ACOXL: variants seen among roughly 807,000 people sequenced by gnomAD.
ACOXL encodes the protein acyl-CoA oxidase like.
Under a neutral mutation model 71.9 loss-of-function variants are expected in ACOXL, and 70 were observed. That is an observed-to-expected ratio of 0.97 (90% CI 0.80 to 1.19). The LOEUF (loss-of-function observed/expected upper bound fraction) is 1.19. Ranked by LOEUF, ACOXL falls within the 50% of genes most tolerant of loss-of-function variation. The probability of loss-of-function intolerance (pLI) is 0.00; values close to 1 mark genes in which losing one functional copy is unlikely to be tolerated. For missense variants in ACOXL, 703 were observed against 736.3 expected (o/e 0.95, Z 0.52); for synonymous variants, 253 against 281.6 (o/e 0.90, Z 1.02).
chr2:110,988,733 TC>T (rs1006381445), intron 13 of ACOXL, among the ~76,000 whole-genome samples: 2 of 152,202 alleles, frequency 1.3e-5, no homozygotes, highest in African/African-American at 4.8e-5. Context: ...AAATGATCTC[TC>T]ACCCTGACTT....
Position 110,798,036 on chromosome 2 carries a change from A to T in ACOXL, c.346-574A>T, listed in dbSNP as rs138534594. 1.4e-4 allele frequency among the ~76,000 whole-genome samples: 22 copies of T among 152,260 alleles called. 1 individual carries two copies. The East Asian group carries it at 4.3e-3, about 29-fold the overall frequency. ...CACCTTTTAAAGATTGAAAACTGGCAACTTATTTTCTGGATCAGATTATTC... is the reference window on the plus strand; with the variant it reads ...CACCTTTTAAAGATTGAAAACTGGCTACTTATTTTCTGGATCAGATTATTC... On this transcript the variant is annotated intron_variant, in intron 5 of 17. Coordinates refer to ENST00000439055, the MANE Select transcript of ACOXL (RefSeq NM_001142807.4).
intron 11 of ACOXL, 115 bp downstream of exon 11, chr2:110,909,020 CTGT>C (rs2059558698): frequency 8.8e-6 from 7 of 792,386 alleles, no homozygotes; most frequent in Non-Finnish European, 1.4e-5. Flanking sequence ...AGGAAAGAGT[CTGT>C]TGTTAAAATC....
Position 110,801,845 on chromosome 2 carries a change from A to G in ACOXL, c.620+121A>G, listed in dbSNP as rs1686044100. On this transcript the variant is annotated intron_variant, in intron 8 of 17. Coordinates refer to ENST00000439055, the MANE Select transcript of ACOXL (RefSeq NM_001142807.4). ...GGGCATTCTTCCCCTAACCACCCGT[A>G]CAGGTTTGTTGACAACTAATTGGAA... is the stretch of plus-strand genomic sequence containing the variant. 6 of 770,400 alleles carry G rather than the reference A, an allele frequency of 7.8e-6. No individual in the cohort carries two copies. In the Middle Eastern group the frequency reaches 1.0e-3, roughly 128 times the overall value. The allele number at this position is 770,400 out of a possible 1,614,324, so 47.7% of individuals were successfully genotyped here.
At chr2:111,081,167 C>T (rs921979061) in intron 16 of ACOXL, among the ~76,000 whole-genome samples, 3 of 152,066 alleles carry the variant, frequency 2.0e-5, no homozygotes, top group Non-Finnish European at 4.4e-5. Flanking sequence ...GGAGTTCTGG[C>T]CAGGGCAATC....
At chr2:110,766,664 T>TAAC (rs1275483336) in intron 1 of ACOXL, among the ~76,000 whole-genome samples, 201 of 152,308 alleles carry the variant, frequency 1.3e-3, no homozygotes, top group Non-Finnish European at 2.4e-3. Flanking sequence ...TTTTCCTTGT[T>TAAC]AATACCGAGT....
chr2:111,001,138 T>G (rs150715641), intron 14 of ACOXL, among the ~76,000 whole-genome samples: 342 of 152,296 alleles, frequency 2.2e-3, no homozygotes, highest in African/African-American at 8.0e-3. Context: ...AATTATACAA[T>G]AAAGCTCCTA....
rs150180696 is a variant in ACOXL, at chr2:110,869,705, A to C, written c.788+28300A>C. Among the ~76,000 whole-genome samples, 331 of 152,322 alleles carry C rather than the reference A, an allele frequency of 2.2e-3. 3 individuals carry two copies. Among genetic ancestry groups the C allele is most frequent in the Non-Finnish European group, 3.5e-3 (235 of 68,024 alleles). On this transcript the variant is annotated intron_variant, in intron 10 of 17. Transcript: ENST00000439055. ...AGTAGCCAGTGAGTCATTCGAGCCC[A>C]TAGCATCTGTCTCCAGAGCCCACAC... is the stretch of plus-strand genomic sequence containing the variant.
intron 17 of ACOXL, among the ~76,000 whole-genome samples, chr2:111,107,440 TTAAC>T (rs1241474626): frequency 6.6e-6 from 1 of 152,236 alleles, no homozygotes; most frequent in African/African-American, 2.4e-5. Flanking sequence ...AGAAGTGACT[TTAAC>T]TATAGTTTTT....
intron 10 of ACOXL, among the ~76,000 whole-genome samples, chr2:110,846,117 A>G (rs1691806885): frequency 6.6e-6 from 1 of 152,170 alleles, no homozygotes; most frequent in Non-Finnish European, 1.5e-5. Context: ...TTTGGCATCA[A>G]GATTTGAGAC....
At chr2:110,745,877 A>T (rs2104748602) in intron 1 of ACOXL, among the ~76,000 whole-genome samples, 1 of 152,264 alleles carries the variant, frequency 6.6e-6, no homozygotes, top group South Asian at 2.1e-4. Flanking sequence ...CAGAACTTTG[A>T]TCTGCACCAT....
intron 12 of ACOXL, among the ~76,000 whole-genome samples, chr2:110,946,233 C>G (rs1464250593): frequency 1.3e-5 from 2 of 152,230 alleles, no homozygotes; most frequent in Non-Finnish European, 1.5e-5. Context: ...CATCAATTTT[C>G]TATCCTGAAA....
chr2:110,844,839 G>A (rs1352428697), intron 10 of ACOXL, among the ~76,000 whole-genome samples: 3 of 152,042 alleles, frequency 2.0e-5, no homozygotes, highest in South Asian at 2.1e-4. Context: ...GAGCCACCAC[G>A]CCCGGCCACC....
chr2:110,873,111 G>A (rs1053378506), intron 10 of ACOXL, among the ~76,000 whole-genome samples: 20 of 152,308 alleles, frequency 1.3e-4, no homozygotes, highest in Middle Eastern at 3.4e-3. Flanking sequence ...AACCCCAGGC[G>A]GCCCTGTCCC....
At chr2:110,825,394 A>G (rs1363026334) in intron 9 of ACOXL, among the ~76,000 whole-genome samples, 1 of 151,858 alleles carries the variant, frequency 6.6e-6, no homozygotes, top group Non-Finnish European at 1.5e-5. Flanking sequence ...CCCCTCTATA[A>G]TCTATCTGCT....
At position 111,022,557 on chromosome 2, in the gene ACOXL, G is replaced by A. The variant is rs190205409; in HGVS notation, c.1282-9070G>A. 1.3e-3 allele frequency among the ~76,000 whole-genome samples: 198 copies of A among 152,174 alleles called. 2 individuals carry two copies. The highest frequency in any genetic ancestry group is 4.4e-3 in the African/African-American group (181 of 41,514). ...TCCTGCCCCTGGCACAGGCAGGGGC[G>A]GGCTTACATCTGTCAGGATACCCCC... On this transcript the variant is annotated intron_variant, in intron 14 of 17. Transcript: ENST00000439055.
At chr2:111,019,909 G>A (rs1289385253) in intron 14 of ACOXL, among the ~76,000 whole-genome samples, 1 of 151,974 alleles carries the variant, frequency 6.6e-6, no homozygotes, top group African/African-American at 2.4e-5. Flanking sequence ...CACCCAGGCT[G>A]GAGTGCAGTG....
chr2:110,917,628 A>T (rs1346574446), intron 11 of ACOXL, among the ~76,000 whole-genome samples: 2 of 152,238 alleles, frequency 1.3e-5, no homozygotes, highest in Non-Finnish European at 2.9e-5. Flanking sequence ...CTGTTTGCAG[A>T]TGACATGATT....
At chr2:110,886,815 C>G in intron 10 of ACOXL, 1 of 1,551,046 alleles carries the variant, frequency 6.4e-7, no homozygotes, top group South Asian at 1.2e-5. Flanking sequence ...CTGTTCAGCT[C>G]CAGCTGGTCT....
At chr2:110,766,881 AAGGTGTGCACC>A (rs1681144889) in intron 1 of ACOXL, among the ~76,000 whole-genome samples, 1 of 152,294 alleles carries the variant, frequency 6.6e-6, no homozygotes, top group Admixed American at 6.5e-5. Context: ...TTGGCCCACC[AAGGTGTGCACC>A]AGGTCGGGAA....
Sources: allele counts gnomAD v4.1 joint callset (sites outside exome capture counted in the v4.1 genomes callset), GRCh38; gene constraint gnomAD v4.1.1; transcripts MANE v1.5; gene names NCBI Gene and HGNC (gene_info 2026-07-23, HGNC 2026-07-21).